Variants in PLA2G4F observed in about 807,000 individuals in gnomAD.
The protein encoded by PLA2G4F is cytosolic phospholipase A2 zeta.
Under a neutral mutation model 103.1 loss-of-function variants are expected in PLA2G4F, and 105 were observed. The ratio of observed to expected loss-of-function variants is 1.02; its 90% CI spans 0.87 to 1.20. The LOEUF is 1.20. Among genes scored for constraint, PLA2G4F ranks in the 50% most tolerant of loss-of-function variants. The pLI, the probability that PLA2G4F is intolerant of heterozygous loss-of-function variation, is 0.00. For synonymous variants in PLA2G4F, 468 were observed against 441.1 expected (o/e 1.06, Z -0.76); for missense variants, 1,155 against 1,075.9 (o/e 1.07, Z -1.03).
Position 42,140,014 on chromosome 15 carries a change from A to C in PLA2G4F, c.*1970T>G, listed in dbSNP as rs16972747. The stretch of plus-strand genomic sequence containing the variant: ...ATCACATAGCTGAAGCAGAGACCTT[A>C]TTGTAAGCAACTTTTCATGTGTGTG... On this transcript the variant is annotated 3_prime_UTR_variant, in exon 20 of 20. Transcript: ENST00000397272. 1 of 152,206 alleles carries C rather than the reference A, an allele frequency of 6.6e-6. No individual in the cohort carries two copies. Among genetic ancestry groups the C allele is most frequent in the Non-Finnish European group, 1.5e-5 (1 of 68,046 alleles). The allele number at this position is 152,206 out of a possible 1,614,324, so 9.4% of individuals were successfully genotyped here. A position where few individuals can be genotyped will look rare whatever the true frequency, so the allele number is the denominator to read the frequency against.
In PLA2G4F at chr15:42,144,176, G is replaced by A. The variant is rs769853711; in HGVS notation, c.1976-32C>T. 16 of 1,572,104 alleles carry A rather than the reference G, an allele frequency of 1.0e-5. No individual in the cohort carries two copies. The Admixed American group carries it at 1.5e-4, about 14-fold the overall frequency. ...GGAACCCATGTGTACGCACAGGGAC[G>A]AATGCAGTTACTCTTGCTAGCAACC... On this transcript the variant is annotated intron_variant, in intron 17 of 19. Coordinates refer to ENST00000397272, the MANE Select transcript of PLA2G4F (RefSeq NM_213600.4).
At chr15:42,154,642 C>G (rs1320325421) in intron 2 of PLA2G4F, 184 bp from the exon 3 acceptor site, 5 of 583,928 alleles carry the variant, frequency 8.6e-6, no homozygotes, top group African/African-American at 1.9e-5. Context: ...TTCCACACAC[C>G]TCCCATTCAC....
At chr15:42,155,441 G>C in intron 2 of PLA2G4F, 76 bp downstream of exon 2, 2 of 1,483,356 alleles carry the variant, frequency 1.3e-6, no homozygotes, top group Non-Finnish European at 1.9e-6. Flanking sequence ...CACACTCTCT[G>C]TTAGCCAGCC....
intron 4 of PLA2G4F, 65 bp downstream of exon 4, chr15:42,154,027 T>G: frequency 6.2e-7 from 1 of 1,604,920 alleles, no homozygotes; most frequent in Non-Finnish European, 8.5e-7. Flanking sequence ...AGCCCCCTCT[T>G]TGGTGGCCCT....
At position 42,142,006 on chromosome 15, in the gene PLA2G4F, GCCTGGTGCCGGT is replaced by G. The variant is rs777910550; in HGVS notation, c.2516_2527del (p.Asp839_Gln842del). 3.1e-6 allele frequency: 5 copies of G among 1,613,868 alleles called. No individual in the cohort carries two copies. The highest frequency in any genetic ancestry group is 3.4e-6 in the Non-Finnish European group (4 of 1,180,014). ...TGGTCAGGCCCCTGCCCTCTCCCGA[GCCTGGTGCCGGT>G]CCAGAGCCAGCTGGAGGGCGCACTT... On this transcript the variant is annotated inframe_deletion, in exon 20 of 20. Transcript: ENST00000397272.
rs757468954 is a variant in PLA2G4F at position 42,149,698 on chromosome 15, T to TC, written c.1059+14dup. ...CCTAGAGGCTCTGGGGTCCAGCTCC[T>TC]CCTCCATTACGTACCTGGCCACTGT... is the stretch of plus-strand genomic sequence containing the variant. On this transcript the variant is annotated intron_variant, in intron 11 of 19. Transcript: ENST00000397272. 16 of 1,613,970 alleles carry TC rather than the reference T, an allele frequency of 9.9e-6. No individual in the cohort carries two copies. The Admixed American group carries it at 1.5e-4, about 15-fold the overall frequency.
At chr15:42,151,048 G>C in intron 7 of PLA2G4F, 1 of 985,424 alleles carries the variant, frequency 1.0e-6, no homozygotes. Context: ...CGGGGAGGGA[G>C]AGGGGCCCTG....
At chr15:42,153,784 T>G in intron 4 of PLA2G4F, 124 bp from the exon 5 acceptor site, 2 of 1,089,600 alleles carry the variant, frequency 1.8e-6, no homozygotes, top group Admixed American at 2.3e-5. Context: ...TGGCTTGTCA[T>G]GGACATAGGA....
At chr15:42,148,943 G>T in intron 11 of PLA2G4F, 2 of 985,380 alleles carry the variant, frequency 2.0e-6, no homozygotes, top group Non-Finnish European at 2.4e-6. Flanking sequence ...CCCAATGAAC[G>T]ATCTAGCCTT....
At chr15:42,151,759 C>T (rs1279307292) in intron 7 of PLA2G4F, 6 of 785,030 alleles carry the variant, frequency 7.6e-6, no homozygotes, top group Non-Finnish European at 9.3e-6. Flanking sequence ...CCATATAATC[C>T]GTGGTTGAGA....
At chr15:42,155,394 T>C in intron 2 of PLA2G4F, 123 bp downstream of exon 2, 1 of 974,464 alleles carries the variant, frequency 1.0e-6, no homozygotes, top group Non-Finnish European at 1.6e-6. Flanking sequence ...ACACATGCAC[T>C]CTCACTTGTA....
chr15:42,150,596 C>T lies in PLA2G4F; in HGVS notation c.771+12G>A, dbSNP rs181310580. ...GAGTTGGATCTACCGACCATCCTGG[C>T]GGCGCACTCACCTGCACAGCTGCCA... On this transcript the variant is annotated intron_variant, in intron 8 of 19. Coordinates refer to ENST00000397272, the MANE Select transcript of PLA2G4F (RefSeq NM_213600.4). The T allele has an allele frequency of 2.1e-5, 34 of 1,599,338 alleles. No individual in the cohort carries two copies. Among genetic ancestry groups the T allele is most frequent in the Admixed American group, 1.7e-4 (10 of 58,660 alleles).
At chr15:42,149,928 T>A (rs1595621930) in intron 10 of PLA2G4F, 80 bp from the exon 11 acceptor site, 1 of 1,560,086 alleles carries the variant, frequency 6.4e-7, no homozygotes, top group African/African-American at 1.4e-5. Flanking sequence ...CCAGCCCAGG[T>A]CTTTCACAGG....
rs775543397 is a variant in PLA2G4F at position 42,147,725 on chromosome 15, G to A, written c.1097C>T (p.Thr366Ile). The A allele has an allele frequency of 3.7e-6, 6 of 1,613,760 alleles. No individual in the cohort carries two copies. Among genetic ancestry groups the A allele is most frequent in the Non-Finnish European group, 5.1e-6 (6 of 1,179,952 alleles). Residue 366 changes from threonine to isoleucine, a missense_variant, in exon 12 of 20, where the codon ACC (threonine) becomes ATC (isoleucine). Thr to Ile is a moderately conservative substitution (Grantham distance 89). Transcript: ENST00000397272. Reference protein sequence around the residue: ...VVAVLGSGGGTRAMSSLYGSL... With the variant: ...VVAVLGSGGGIRAMSSLYGSL... Reference sequence around the variant, plus strand: ...GCCGTACAGAGAAGACATGGCTCGGGTTCCACCCCCGGAACCCAACACAGC... The same window carrying A: ...GCCGTACAGAGAAGACATGGCTCGGATTCCACCCCCGGAACCCAACACAGC...
intron 8 of PLA2G4F, 53 bp from the exon 9 acceptor site, chr15:42,150,539 C>G (rs1187737438): frequency 2.5e-6 from 4 of 1,597,726 alleles, no homozygotes; most frequent in Non-Finnish European, 3.4e-6. Context: ...AAAAGTCTCC[C>G]CCAACGTGGC....
In PLA2G4F at chr15:42,153,148, G is replaced by C. The variant is rs562545766; in HGVS notation, c.534+152C>G. ...TCCACCAAGTGCCTGGCAGCTTCTT[G>C]TCCTTTCCCTCTGGAGGTGCCTCCC... On this transcript the variant is annotated intron_variant, in intron 6 of 19. Transcript: ENST00000397272. The C allele has an allele frequency of 1.8e-5, 16 of 903,806 alleles. No homozygotes were observed. The South Asian group carries it at 2.3e-4, about 13-fold the overall frequency. 56.0% of individuals were successfully genotyped at this position (903,806 alleles called of 1,614,324 possible). A position where few individuals can be genotyped will look rare whatever the true frequency, so the allele number is the denominator to read the frequency against.
rs562118604 is a variant in PLA2G4F, at chr15:42,143,631, T to C, written c.2142+347A>G. On this transcript the variant is annotated intron_variant, in intron 18 of 19. Coordinates refer to ENST00000397272, the MANE Select transcript of PLA2G4F (RefSeq NM_213600.4). ...CCATGGTAACAAAGGGGCCACAGAC[T>C]CAGGTCCAAGCTGGAGTGGGGAAAT... Among the ~76,000 whole-genome samples, 185 of 152,190 alleles carry C rather than the reference T, an allele frequency of 1.2e-3. 1 individual carries two copies. The highest frequency in any genetic ancestry group is 4.4e-3 in the African/African-American group (183 of 41,516).
At chr15:42,151,555 C>T (rs976787664) in intron 7 of PLA2G4F, 12 of 985,328 alleles carry the variant, frequency 1.2e-5, no homozygotes, top group Non-Finnish European at 9.6e-6. Flanking sequence ...CCAAAGTATG[C>T]GAGGACAGCA....
Position 42,152,755 on chromosome 15 carries a change from C to T in PLA2G4F, c.535-1G>A. On this transcript the variant is annotated splice_acceptor_variant, in intron 6 of 19. Transcript: ENST00000397272. LOFTEE classifies it high-confidence loss of function. ...CCTGGATTCTCAGACAGGGGTGAGCCTGAGGAAAGCAGAGGCCTGTAGGAG... is the reference window on the plus strand; with the variant it reads ...CCTGGATTCTCAGACAGGGGTGAGCTTGAGGAAAGCAGAGGCCTGTAGGAG... The T allele has an allele frequency of 6.4e-7, 1 of 1,554,388 alleles. No individual in the cohort carries two copies. Among genetic ancestry groups the T allele is most frequent in the South Asian group, 1.2e-5 (1 of 84,192 alleles).
Sources: allele counts gnomAD v4.1 joint callset (sites outside exome capture counted in the v4.1 genomes callset), GRCh38; gene constraint gnomAD v4.1.1; transcripts MANE v1.5; gene names NCBI Gene and HGNC (gene_info 2026-07-23, HGNC 2026-07-21).